NTM: variants seen among roughly 807,000 people sequenced by gnomAD.
The protein encoded by NTM is IgLON family member 2.
Under a neutral mutation model 42.1 loss-of-function variants are expected in NTM, and 13 were observed. That is an observed-to-expected ratio of 0.31 (90% CI 0.20 to 0.49). The LOEUF (loss-of-function observed/expected upper bound fraction) is 0.49, where lower values mean the gene tolerates loss of function less well. Among genes scored for constraint, NTM ranks in the 20% least tolerant of loss-of-function variants. NTM has a pLI of 0.99. For synonymous variants in NTM, 187 were observed against 179.2 expected (o/e 1.04, Z -0.35); for missense variants, 373 against 452.8 (o/e 0.82, Z 1.60).
chr11:131,486,558 T>A (rs1197660963), intron 1 of NTM, among the ~76,000 whole-genome samples: 1 of 152,128 alleles, frequency 6.6e-6, no homozygotes, highest in Non-Finnish European at 1.5e-5. Flanking sequence ...AGAAATTGAT[T>A]CCCAGATTGA....
In NTM at chr11:131,822,292, C is replaced by T. The variant is rs1160998274; in HGVS notation, c.83-89272C>T. On this transcript the variant is annotated intron_variant, in intron 1 of 8. Coordinates refer to ENST00000683400, the MANE Select transcript of NTM (RefSeq NM_001352005.2). ...TCATTCTCATGGCCTCCTGGCACCTCCACAATTCACCTGCTTGTCCCCAAA... is the reference window on the plus strand; with the variant it reads ...TCATTCTCATGGCCTCCTGGCACCTTCACAATTCACCTGCTTGTCCCCAAA... Among the ~76,000 whole-genome samples, 4 of 152,172 alleles carry T rather than the reference C, an allele frequency of 2.6e-5. 1 individual carries two copies.
At chr11:131,484,508 G>A (rs1427091414) in intron 1 of NTM, among the ~76,000 whole-genome samples, 3 of 152,220 alleles carry the variant, frequency 2.0e-5, no homozygotes, top group African/African-American at 7.2e-5. Context: ...AGGGTTCTTT[G>A]CTGAGACAGC....
intron 1 of NTM, among the ~76,000 whole-genome samples, chr11:131,413,920 T>G (rs1402355439): frequency 6.6e-6 from 1 of 152,152 alleles, no homozygotes; most frequent in Non-Finnish European, 1.5e-5. Flanking sequence ...CAAGGCCTCC[T>G]GTGGCGAAAG....
At chr11:131,580,875 G>A (rs369018678) in intron 1 of NTM, among the ~76,000 whole-genome samples, 3 of 152,288 alleles carry the variant, frequency 2.0e-5, no homozygotes. Context: ...ACGGATCCCA[G>A]GAACCACAGT....
At chr11:131,884,556 C>A (rs530084799) in intron 1 of NTM, among the ~76,000 whole-genome samples, 1 of 152,284 alleles carries the variant, frequency 6.6e-6, no homozygotes, top group East Asian at 1.9e-4. Flanking sequence ...CCACAGCGGC[C>A]ATGTAGCTTT....
At chr11:132,325,040 A>T (rs573115374) in intron 7 of NTM, among the ~76,000 whole-genome samples, 1 of 151,584 alleles carries the variant, frequency 6.6e-6, no homozygotes. Context: ...TAAAGACTTA[A>T]ACGTTAGACC....
chr11:132,072,951 C>T (rs2057895860), intron 2 of NTM, among the ~76,000 whole-genome samples: 1 of 152,186 alleles, frequency 6.6e-6, no homozygotes, highest in Non-Finnish European at 1.5e-5. Flanking sequence ...TTGAAAGTTA[C>T]TCTATGGCCA....
At chr11:131,569,710 G>A (rs1421268245) in intron 1 of NTM, among the ~76,000 whole-genome samples, 1 of 151,370 alleles carries the variant, frequency 6.6e-6, no homozygotes, top group African/African-American at 2.4e-5. Flanking sequence ...CCTGAGAGCT[G>A]GGACTACAGG....
intron 1 of NTM, among the ~76,000 whole-genome samples, chr11:131,744,899 C>A (rs1442476738): frequency 6.6e-6 from 1 of 152,168 alleles, no homozygotes; most frequent in Non-Finnish European, 1.5e-5. Flanking sequence ...TCGCTGGATA[C>A]CGACTAAATA....
chr11:131,620,209 G>A (rs994277246), intron 1 of NTM, among the ~76,000 whole-genome samples: 9 of 152,276 alleles, frequency 5.9e-5, no homozygotes, highest in East Asian at 3.9e-4. Context: ...TTGAAATAAA[G>A]TTTTCTTTAC....
intron 1 of NTM, among the ~76,000 whole-genome samples, chr11:131,729,275 A>G (rs964879534): frequency 6.6e-6 from 1 of 152,184 alleles, no homozygotes; most frequent in African/African-American, 2.4e-5. Context: ...GGGCCATTAG[A>G]CACAACGGGT....
intron 1 of NTM, among the ~76,000 whole-genome samples, chr11:131,495,066 T>C (rs994018264): frequency 3.3e-5 from 5 of 152,210 alleles, no homozygotes; most frequent in Non-Finnish European, 2.9e-5. Context: ...GAGAATTAAA[T>C]TTAAAAACAT....
intron 3 of NTM, among the ~76,000 whole-genome samples, chr11:132,206,717 G>A (rs116075020): frequency 1.1e-3 from 168 of 152,230 alleles, no homozygotes; most frequent in African/African-American, 3.9e-3. Context: ...CTGTGCCCAT[G>A]CAATTCTGTC....
chr11:131,699,158 G>A (rs2075803943), intron 1 of NTM, among the ~76,000 whole-genome samples: 2 of 152,204 alleles, frequency 1.3e-5, no homozygotes, highest in Non-Finnish European at 1.5e-5. Flanking sequence ...TGGACAAGGA[G>A]GGATCTAGAG....
At chr11:131,524,815 G>A (rs377283846) in intron 1 of NTM, among the ~76,000 whole-genome samples, 1 of 152,190 alleles carries the variant, frequency 6.6e-6, no homozygotes, top group African/African-American at 2.4e-5. Flanking sequence ...TGGCGGCCGG[G>A]ACCAGCCCCA....
chr11:132,161,861 A>G (rs763746541), intron 3 of NTM, among the ~76,000 whole-genome samples: 35 of 152,178 alleles, frequency 2.3e-4, no homozygotes, highest in Non-Finnish European at 4.6e-4. Flanking sequence ...TGTAGAGAGG[A>G]TAAGATAATC....
At chr11:131,857,103 CTCTAATG>C (rs1436371249) in intron 1 of NTM, among the ~76,000 whole-genome samples, 1 of 152,144 alleles carries the variant, frequency 6.6e-6, no homozygotes, top group African/African-American at 2.4e-5. Flanking sequence ...ACCCACTATC[CTCTAATG>C]TCACTGGGCA....
intron 1 of NTM, among the ~76,000 whole-genome samples, chr11:131,851,391 C>G (rs1402622670): frequency 2.0e-5 from 3 of 152,042 alleles, no homozygotes; most frequent in African/African-American, 7.2e-5. Context: ...AGCCCTCCCG[C>G]TAATAGAAAA....
intron 1 of NTM, among the ~76,000 whole-genome samples, chr11:131,544,770 G>A (rs533718036): frequency 6.6e-5 from 10 of 152,202 alleles, no homozygotes; most frequent in Admixed American, 2.0e-4. Context: ...AAGAGTGGAC[G>A]TGTGAGTCTG....
Sources: gnomAD v4.1 joint callset for allele counts (sites outside exome capture counted in the v4.1 genomes callset) on GRCh38, gnomAD v4.1.1 for gene constraint, MANE v1.5 for transcripts, NCBI Gene and HGNC (gene_info 2026-07-23, HGNC 2026-07-21) for gene names.